The following AGPAT2 variants were observed in gnomAD, a reference collection of about 807,000 sequenced individuals.
The protein encoded by AGPAT2 is 1-acylglycerol-3-phosphate O-acyltransferase 2.
Under a neutral mutation model 26.1 loss-of-function variants are expected in AGPAT2, and 18 were observed. The observed-to-expected ratio is 0.69, with a 90% CI of 0.48 to 1.02. The LOEUF (loss-of-function observed/expected upper bound fraction) is 1.02, where lower values mean the gene tolerates loss of function less well. Among genes scored for constraint, AGPAT2 ranks in the 50% least tolerant of loss-of-function variants. AGPAT2 has a pLI of 0.00. For missense variants in AGPAT2, 415 were observed against 394.9 expected, an observed-to-expected ratio of 1.05 and a Z score of -0.43; for synonymous variants, 200 against 174.2, an observed-to-expected ratio of 1.15 and a Z score of -1.16.
At chr9:136,676,536 C>G in intron 4 of AGPAT2, 49 bp downstream of exon 4, 1 of 1,516,956 alleles carries the variant, frequency 6.6e-7, no homozygotes, top group Non-Finnish European at 9.1e-7. Context: ...CCAGCCTGAC[C>G]CCGCCTCCCC....
intron 1 of AGPAT2, among the ~76,000 whole-genome samples, chr9:136,678,984 G>A (rs1365620663): frequency 6.6e-6 from 1 of 152,112 alleles, no homozygotes; most frequent in Admixed American, 6.5e-5. Context: ...GAACTCCTAG[G>A]CTCAAACAAC....
At chr9:136,684,291 G>A (rs577121147) in intron 1 of AGPAT2, among the ~76,000 whole-genome samples, 33 of 152,310 alleles carry the variant, frequency 2.2e-4, no homozygotes, top group African/African-American at 7.0e-4. Context: ...ACACGGAGCC[G>A]CTCTGGGCTT....
intron 4 of AGPAT2, among the ~76,000 whole-genome samples, chr9:136,675,667 C>T (rs1049304151): frequency 3.9e-5 from 6 of 152,090 alleles, no homozygotes; most frequent in Non-Finnish European, 8.8e-5. Flanking sequence ...CCATCACAGC[C>T]GCCCGTCTCC....
rs1846237872 is a variant in AGPAT2 at position 136,687,372 on chromosome 9, C to G, written c.-15G>C. ...CACAGCTCCATGGCCCGGCCCGGCG[C>G]CCGACGGCGCCGCCAGCTCGCTCCC... On this transcript the variant is annotated 5_prime_UTR_variant, in exon 1 of 6. Transcript: ENST00000371696. 6.9e-7 allele frequency: 1 copy of G among 1,446,268 alleles called. No homozygotes were observed. Among genetic ancestry groups the G allele is most frequent in the African/African-American group, 1.5e-5 (1 of 67,424 alleles). 89.6% of individuals were successfully genotyped at this position (1,446,268 alleles called of 1,614,324 possible).
At chr9:136,686,150 G>A (rs954874830) in intron 1 of AGPAT2, among the ~76,000 whole-genome samples, 5 of 152,208 alleles carry the variant, frequency 3.3e-5, no homozygotes, top group African/African-American at 4.8e-5. Context: ...CTGTAGGCCC[G>A]TTCCAGCAGC....
At chr9:136,676,846 C>G (rs1846096551) in intron 3 of AGPAT2, 115 bp downstream of exon 3, 6 of 1,352,486 alleles carry the variant, frequency 4.4e-6, no homozygotes, top group Non-Finnish European at 6.2e-6. Context: ...ACCTGCGGAG[C>G]ATGGATGATG....
At chr9:136,683,332 G>A (rs1232888009) in intron 1 of AGPAT2, among the ~76,000 whole-genome samples, 2 of 152,196 alleles carry the variant, frequency 1.3e-5, no homozygotes, top group African/African-American at 2.4e-5. Context: ...TCTAGGTCAG[G>A]GCCCAGGCCA....
chr9:136,684,058 G>C (rs886243632), intron 1 of AGPAT2, among the ~76,000 whole-genome samples: 2 of 152,232 alleles, frequency 1.3e-5, no homozygotes, highest in Non-Finnish European at 2.9e-5. Context: ...TACCAGCAGA[G>C]CGTGGGGTTC....
chr9:136,673,725 C>G lies in AGPAT2; in HGVS notation c.*27G>C. The G allele has an allele frequency of 1.9e-6, 3 of 1,542,638 alleles. No individual in the cohort carries two copies. The highest frequency in any genetic ancestry group is 2.6e-6 in the Non-Finnish European group (3 of 1,140,826). On this transcript the variant is annotated 3_prime_UTR_variant, in exon 6 of 6. Transcript: ENST00000371696. Reference sequence around the variant, plus strand: ...AGCCATCGGCTTCCACCTGCCCTCCCCAGGTCATGCCCTGCCGTGGTCTGG... The same window carrying G: ...AGCCATCGGCTTCCACCTGCCCTCCGCAGGTCATGCCCTGCCGTGGTCTGG...
chr9:136,686,884 C>G (rs1377774945), intron 1 of AGPAT2, among the ~76,000 whole-genome samples: 1 of 152,268 alleles, frequency 6.6e-6, no homozygotes, highest in Non-Finnish European at 1.5e-5. Context: ...CCCGGAACCC[C>G]ACGCCGGGCT....
chr9:136,676,297 C>T (rs1248294621), intron 4 of AGPAT2, among the ~76,000 whole-genome samples: 1 of 152,176 alleles, frequency 6.6e-6, no homozygotes, highest in Non-Finnish European at 1.5e-5. Flanking sequence ...CGGCCCGGCT[C>T]CCCACCCCTC....
At chr9:136,686,397 G>A (rs1412526131) in intron 1 of AGPAT2, among the ~76,000 whole-genome samples, 1 of 152,222 alleles carries the variant, frequency 6.6e-6, no homozygotes, top group Non-Finnish European at 1.5e-5. Context: ...CAGCCACCCC[G>A]CCCAGGAGCA....
At chr9:136,681,102 CTTTT>C (rs141839033) in intron 1 of AGPAT2, among the ~76,000 whole-genome samples, 4 of 143,866 alleles carry the variant, frequency 2.8e-5, no homozygotes. Flanking sequence ...AAAACTTTTC[CTTTT>C]TTTTTTTTTT....
rs121908926 is a variant in AGPAT2, at chr9:136,676,603, G to A, written c.570C>T (p.Tyr190=). 3 of 1,613,256 alleles carry A rather than the reference G, an allele frequency of 1.9e-6. 1 individual carries two copies. In the East Asian group the frequency reaches 6.7e-5, roughly 36 times the overall value. Residue 190 remains tyrosine (Y), a synonymous_variant, in exon 4 of 6, where the codon TAC becomes TAT. Coordinates refer to ENST00000371696, the MANE Select transcript of AGPAT2 (RefSeq NM_006412.4). ...AGCCTACCTGTGCCTGGACTGCCAG[G>A]TAGAAGGCGCCCTTCTTAAAAGGCA... is the stretch of plus-strand genomic sequence containing the variant. The part of the protein sequence containing the change: ...DLLPFKKGAF[Y]LAVQAQVPIV...
chr9:136,681,944 G>A (rs967007823), intron 1 of AGPAT2, among the ~76,000 whole-genome samples: 7 of 152,274 alleles, frequency 4.6e-5, no homozygotes, highest in Non-Finnish European at 1.0e-4. Context: ...CCTCCTGTGT[G>A]CAAAGCCTCG....
chr9:136,685,726 G>T (rs1384695996), intron 1 of AGPAT2, among the ~76,000 whole-genome samples: 2 of 152,168 alleles, frequency 1.3e-5, no homozygotes, highest in African/African-American at 4.8e-5. Context: ...CCCCTCCTCA[G>T]CTGGGAAAGC....
intron 2 of AGPAT2, 78 bp from the exon 3 acceptor site, chr9:136,677,214 G>A: frequency 1.3e-6 from 2 of 1,553,394 alleles, no homozygotes; most frequent in Non-Finnish European, 1.8e-6. Flanking sequence ...GCACCCACAG[G>A]CCTGCCTGGC....
chr9:136,681,082 C>G (rs1180362561), intron 1 of AGPAT2, among the ~76,000 whole-genome samples: 1 of 152,146 alleles, frequency 6.6e-6, no homozygotes, highest in Non-Finnish European at 1.5e-5. Flanking sequence ...CAGCACCACC[C>G]TCTAGCTCCA....
At chr9:136,685,301 A>T (rs528814024) in intron 1 of AGPAT2, among the ~76,000 whole-genome samples, 1 of 152,352 alleles carries the variant, frequency 6.6e-6, no homozygotes, top group South Asian at 2.1e-4. Flanking sequence ...GGTCCCGAGG[A>T]CACCCAGGTT....
Sources: allele counts gnomAD v4.1 joint callset (sites outside exome capture counted in the v4.1 genomes callset), GRCh38; gene constraint gnomAD v4.1.1; transcripts MANE v1.5; gene names NCBI Gene and HGNC (gene_info 2026-07-23, HGNC 2026-07-21).